Variants in SHTN1 observed in about 807,000 individuals in gnomAD.
SHTN1 encodes the protein shootin-1.
A neutral mutation model predicts 83.1 loss-of-function variants in SHTN1; 42 were observed. The observed-to-expected ratio is 0.51, with a 90% confidence interval of 0.39 to 0.65. The LOEUF (loss-of-function observed/expected upper bound fraction) is 0.65, where lower values mean the gene tolerates loss of function less well. Ranked by LOEUF, SHTN1 falls within the 30% of genes least tolerant of loss-of-function variation. SHTN1 has a pLI of 0.00. For missense variants in SHTN1, 622 were observed against 737.8 expected, an observed-to-expected ratio of 0.84 and a Z score of 1.82; for synonymous variants, 224 against 247.7, an observed-to-expected ratio of 0.90 and a Z score of 0.90.
chr10:116,904,489 G>A (rs2133331267), intron 15 of SHTN1, among the ~76,000 whole-genome samples: 1 of 149,338 alleles, frequency 6.7e-6, no homozygotes, highest in African/African-American at 2.5e-5. Context: ...GGAAATTTCT[G>A]CTCAATTACA....
intron 2 of SHTN1, among the ~76,000 whole-genome samples, chr10:117,042,251 A>G (rs2133581381): frequency 6.6e-6 from 1 of 152,324 alleles, no homozygotes; most frequent in East Asian, 1.9e-4. Context: ...CTATGTAATC[A>G]GAGAAATGTC....
intron 1 of SHTN1, among the ~76,000 whole-genome samples, chr10:116,985,122 T>C (rs1208165638): frequency 1.3e-5 from 2 of 152,210 alleles, no homozygotes; most frequent in African/African-American, 2.4e-5. Context: ...ACTTATAACA[T>C]TATAAATTAT....
chr10:117,010,139 G>A (rs528490131), upstream of SHTN1, among the ~76,000 whole-genome samples: 2 of 151,804 alleles, frequency 1.3e-5, no homozygotes, highest in Admixed American at 1.3e-4. Context: ...TTAATAAAAA[G>A]CTATTTCTTT....
chr10:117,072,797 C>A (rs1227362108), intron 1 of SHTN1, among the ~76,000 whole-genome samples: 1 of 152,260 alleles, frequency 6.6e-6, no homozygotes. Context: ...TATGACAAAA[C>A]AAGGCTCTTT....
chr10:117,015,184 C>T (rs977318422), intron 2 of SHTN1, among the ~76,000 whole-genome samples: 21 of 152,060 alleles, frequency 1.4e-4, no homozygotes, highest in Non-Finnish European at 2.8e-4. Flanking sequence ...TGGCCTTCTT[C>T]TTAATTAACT....
In SHTN1 at chr10:116,960,361, A is replaced by T. The variant is rs1054199540; in HGVS notation, c.173-131T>A. 7.2e-6 allele frequency: 4 copies of T among 556,618 alleles called. No homozygotes were observed. In the African/African-American group the frequency reaches 7.5e-5, roughly 10 times the overall value. The allele number at this position is 556,618 out of a possible 1,614,324, so 34.5% of individuals were successfully genotyped here. ...CCAGACCTTTAGCTATCACTGAAAA[A>T]AGGTTTTTGAGAAGCTGCCCTGATT... is the stretch of plus-strand genomic sequence containing the variant. On this transcript the variant is annotated intron_variant, in intron 3 of 16. Transcript: ENST00000355371.
intron 11 of SHTN1, 136 bp from the exon 12 acceptor site, chr10:116,921,652 T>C: frequency 1.7e-6 from 1 of 583,344 alleles, no homozygotes; most frequent in East Asian, 3.0e-5. Flanking sequence ...TTTTTAATAA[T>C]ATTAAACTTT....
chr10:117,016,568 G>A (rs1179931828), intron 2 of SHTN1, among the ~76,000 whole-genome samples: 5 of 152,056 alleles, frequency 3.3e-5, no homozygotes, highest in African/African-American at 4.8e-5. Context: ...CACCACGCCC[G>A]GCTACTTTTT....
At chr10:117,024,064 GC>G (rs1242358685) in intron 2 of SHTN1, among the ~76,000 whole-genome samples, 1 of 77,210 alleles carries the variant, frequency 1.3e-5, no homozygotes, top group African/African-American at 2.9e-5. Context: ...ATCATCCGGG[GC>G]CCTAATGAGG....
chr10:116,981,909 A>G (rs1213504694), intron 1 of SHTN1, among the ~76,000 whole-genome samples: 1 of 152,070 alleles, frequency 6.6e-6, no homozygotes, highest in Non-Finnish European at 1.5e-5. Context: ...ATACAAAAAG[A>G]TTAGCTGGGC....
rs556751197 is a variant in SHTN1 at position 116,996,911 on chromosome 10, T to A, written c.58+8111A>T. Among the ~76,000 whole-genome samples, 3 of 152,284 alleles carry A rather than the reference T, an allele frequency of 2.0e-5. No individual in the cohort carries two copies. The South Asian group carries it at 6.2e-4, about 32-fold the overall frequency. ...TCTCCAAAGCTACCAGCCTAGCACA[T>A]AATATGTGAGACTTTCTGAAAGTAA... On this transcript the variant is annotated intron_variant, in intron 1 of 16. Coordinates refer to ENST00000355371, the MANE Select transcript of SHTN1 (RefSeq NM_001127211.3).
chr10:116,933,633 T>C (rs1480984355), intron 9 of SHTN1, among the ~76,000 whole-genome samples: 1 of 152,218 alleles, frequency 6.6e-6, no homozygotes, highest in Admixed American at 6.5e-5. Flanking sequence ...AACATATGTG[T>C]GTGTGTGTCT....
chr10:117,118,429 A>G (rs1554940966), intron 1 of SHTN1, among the ~76,000 whole-genome samples: 1 of 151,798 alleles, frequency 6.6e-6, no homozygotes, highest in Non-Finnish European at 1.5e-5. Context: ...GAGAAAGGGG[A>G]ACTCTCATAC....
chr10:117,076,829 T>C (rs940430878), intron 1 of SHTN1, among the ~76,000 whole-genome samples: 2 of 152,184 alleles, frequency 1.3e-5, no homozygotes, highest in African/African-American at 2.4e-5. Flanking sequence ...TTACACATTA[T>C]CTTCATTAAA....
chr10:117,110,010 G>A (rs1853742868), intron 1 of SHTN1, among the ~76,000 whole-genome samples: 1 of 152,080 alleles, frequency 6.6e-6, no homozygotes. Flanking sequence ...AATCATAGCT[G>A]GAGAGTCTAC....
intron 2 of SHTN1, among the ~76,000 whole-genome samples, chr10:117,015,722 T>G (rs1234030495): frequency 6.6e-6 from 1 of 152,258 alleles, no homozygotes; most frequent in Non-Finnish European, 1.5e-5. Flanking sequence ...AAAGTCTTCA[T>G]ATACAGTGCT....
At chr10:116,929,030 A>G (rs1848853254) in intron 10 of SHTN1, among the ~76,000 whole-genome samples, 1 of 152,220 alleles carries the variant, frequency 6.6e-6, no homozygotes, top group Admixed American at 6.5e-5. Flanking sequence ...ATTTTGGATC[A>G]ATTAAAAAAT....
At chr10:116,940,924 T>G (rs1849346058) in intron 8 of SHTN1, among the ~76,000 whole-genome samples, 1 of 152,228 alleles carries the variant, frequency 6.6e-6, no homozygotes, top group Non-Finnish European at 1.5e-5. Flanking sequence ...GAATTTACCT[T>G]GTGTACTCCA....
chr10:117,042,119 G>A (rs746021581), intron 2 of SHTN1, among the ~76,000 whole-genome samples: 2 of 152,170 alleles, frequency 1.3e-5, no homozygotes, highest in Non-Finnish European at 2.9e-5. Context: ...CAAGTGTTTT[G>A]TAACATATCT....
Sources: allele counts gnomAD v4.1 joint callset (sites outside exome capture counted in the v4.1 genomes callset), GRCh38; gene constraint gnomAD v4.1.1; transcripts MANE v1.5; gene names NCBI Gene and HGNC (gene_info 2026-07-23, HGNC 2026-07-21).